ZNF800: variants seen among roughly 807,000 people sequenced by gnomAD.
The protein encoded by ZNF800 is zinc finger protein 800.
A neutral mutation model predicts 59.5 loss-of-function variants in ZNF800; 13 were observed. That is an observed-to-expected ratio of 0.22 (90% CI 0.14 to 0.35). The LOEUF is 0.35. ZNF800 is among the 10% of genes least tolerant of loss of function. The probability of loss-of-function intolerance (pLI) is 1.00; values close to 1 mark genes in which losing one functional copy is unlikely to be tolerated. For missense variants in ZNF800, 621 were observed against 783.7 expected (o/e 0.79, Z 2.48); for synonymous variants, 266 against 265.7 (o/e 1.00, Z -0.01).
intron 3 of ZNF800, among the ~76,000 whole-genome samples, chr7:127,382,959 A>G (rs1342617022): frequency 1.3e-5 from 2 of 152,222 alleles, no homozygotes; most frequent in African/African-American, 4.8e-5. Flanking sequence ...GACACATATT[A>G]CTTATTATAA....
intron 1 of ZNF800, chr7:127,361,182 A>T (rs1800385667): frequency 6.6e-6 from 1 of 152,140 alleles, no homozygotes; most frequent in Admixed American, 6.6e-5. Flanking sequence ...TGGACAGGGA[A>T]GGTTCCTAAG....
chr7:127,388,465 A>C (rs1045625355), intron 2 of ZNF800, among the ~76,000 whole-genome samples: 7 of 152,234 alleles, frequency 4.6e-5, no homozygotes, highest in Admixed American at 2.0e-4. Flanking sequence ...ACTGTAAAAA[A>C]CTAAATGCTT....
chr7:127,367,214 A>G (rs1587432389), downstream of ZNF800, among the ~76,000 whole-genome samples: 1 of 152,176 alleles, frequency 6.6e-6, no homozygotes, highest in South Asian at 2.1e-4. Context: ...TTGGAATCCT[A>G]TAAGGCCTGA....
chr7:127,354,860 C>T (rs1800237271), intron 1 of ZNF800, among the ~76,000 whole-genome samples: 1 of 152,010 alleles, frequency 6.6e-6, no homozygotes, highest in Admixed American at 6.6e-5. Flanking sequence ...AATTATGGCT[C>T]AATCGAAGGT....
At chr7:127,369,293 A>G (rs556585308), downstream of ZNF800, among the ~76,000 whole-genome samples, 6 of 152,180 alleles carry the variant, frequency 3.9e-5, no homozygotes, top group Non-Finnish European at 8.8e-5. Context: ...ATAGCCAGAT[A>G]GGTCTTATAT....
chr7:127,384,096 C>A (rs1289269554), intron 3 of ZNF800, among the ~76,000 whole-genome samples: 1 of 151,606 alleles, frequency 6.6e-6, no homozygotes, highest in African/African-American at 2.4e-5. Flanking sequence ...AAATATTTGC[C>A]TTCTAAAATT....
intron 2 of ZNF800, among the ~76,000 whole-genome samples, chr7:127,391,261 G>A (rs557071528): frequency 2.0e-5 from 3 of 152,198 alleles, no homozygotes; most frequent in African/African-American, 4.8e-5. Context: ...AAGACTGAGC[G>A]ACTGATCTTG....
downstream of ZNF800, among the ~76,000 whole-genome samples, chr7:127,367,197 A>G (rs2117072157): frequency 6.6e-6 from 1 of 152,136 alleles, no homozygotes; most frequent in African/African-American, 2.4e-5. Context: ...GAGTTGTACA[A>G]TTACTCTTGG....
In ZNF800 at chr7:127,349,620, G is replaced by C. The variant is rs532479589; in HGVS notation, n.225-1577C>G. Among the ~76,000 whole-genome samples, 14 of 152,292 alleles carry C rather than the reference G, an allele frequency of 9.2e-5. No individual in the cohort carries two copies. In the South Asian group the frequency reaches 2.5e-3, roughly 27 times the overall value. On this transcript the variant is annotated intron_variant and non_coding_transcript_variant, in intron 1 of 1. Transcript: ENST00000485577. ...AGTTTCCTTCACCCTGAAGGTACTG[G>C]ATACAATTATTGTGTCTGGAAGCAT...
downstream of ZNF800, among the ~76,000 whole-genome samples, chr7:127,345,782 T>C (rs1268899764): frequency 2.0e-5 from 3 of 152,184 alleles, no homozygotes; most frequent in Non-Finnish European, 4.4e-5. Flanking sequence ...ATCAAAAACG[T>C]ATTGGAGTGG....
At chr7:127,348,950 G>C (rs1800121697) in intron 1 of ZNF800, among the ~76,000 whole-genome samples, 1 of 152,054 alleles carries the variant, frequency 6.6e-6, no homozygotes, top group Non-Finnish European at 1.5e-5. Flanking sequence ...CAAAAGTTCT[G>C]CGTAAATTAC....
intron 1 of ZNF800, among the ~76,000 whole-genome samples, chr7:127,352,881 A>G (rs1008037149): frequency 1.5e-5 from 2 of 137,750 alleles, no homozygotes; most frequent in Non-Finnish European, 3.1e-5. Context: ...TTCTTTAAAC[A>G]GCAAAATCCC....
chr7:127,385,543 G>A (rs1008339462), intron 3 of ZNF800, among the ~76,000 whole-genome samples: 1 of 152,108 alleles, frequency 6.6e-6, no homozygotes, highest in Non-Finnish European at 1.5e-5. Context: ...TATCAGGGCT[G>A]GAATATTGTC....
chr7:127,390,706 T>A (rs1026372291), intron 2 of ZNF800, among the ~76,000 whole-genome samples: 1 of 152,202 alleles, frequency 6.6e-6, no homozygotes, highest in Non-Finnish European at 1.5e-5. Flanking sequence ...TTATTTGATT[T>A]AGTGATGGTA....
chr7:127,383,264 A>G (rs1035355588), intron 3 of ZNF800, among the ~76,000 whole-genome samples: 1 of 150,066 alleles, frequency 6.7e-6, no homozygotes, highest in Admixed American at 6.7e-5. Flanking sequence ...GTGAGACACA[A>G]AAGGAGATGA....
intron 3 of ZNF800, among the ~76,000 whole-genome samples, chr7:127,383,515 G>C (rs568497849): frequency 2.0e-5 from 3 of 152,166 alleles, no homozygotes; most frequent in Non-Finnish European, 4.4e-5. Flanking sequence ...TTGAGGGTGT[G>C]CTTAGGAGTA....
Position 127,374,748 on chromosome 7 carries a change from A to G in ZNF800, c.588T>C (p.Val196=). Residue 196 remains valine (V), a synonymous_variant, in exon 5 of 6, where the codon GTT becomes GTC. Transcript: ENST00000265827. The part of the protein sequence containing the change: ...TEVETVEPPP[V]EIVTDEVAPT... ...GTGCAACTTCATCTGTAACAATCTCAACAGGAGGGGGCTCTACAGTTTCCA... is the reference window on the plus strand; with the variant it reads ...GTGCAACTTCATCTGTAACAATCTCGACAGGAGGGGGCTCTACAGTTTCCA... 1 of 1,613,994 alleles carries G rather than the reference A, an allele frequency of 6.2e-7. No individual in the cohort carries two copies. The highest frequency in any genetic ancestry group is 8.5e-7 in the Non-Finnish European group (1 of 1,179,930).
chr7:127,381,441 T>TAC (rs1800973877), intron 3 of ZNF800, among the ~76,000 whole-genome samples: 1 of 151,666 alleles, frequency 6.6e-6, no homozygotes, highest in South Asian at 2.1e-4. Context: ...GCTGGTTAAA[T>TAC]ATATATATAT....
chr7:127,348,067 G>C (rs1204776121), intron 1 of ZNF800: 2 of 151,630 alleles, frequency 1.3e-5, no homozygotes, highest in East Asian at 1.9e-4. Flanking sequence ...GGGTGGCAGC[G>C]GTCCCCAGGG....
Sources: gnomAD v4.1 joint callset for allele counts (sites outside exome capture counted in the v4.1 genomes callset) on GRCh38, gnomAD v4.1.1 for gene constraint, MANE v1.5 for transcripts, NCBI Gene and HGNC (gene_info 2026-07-23, HGNC 2026-07-21) for gene names.